Variants in TRIM28 observed in about 807,000 individuals in gnomAD.
TRIM28 encodes the protein transcription intermediary factor 1-beta.
TRIM28 carries 8 observed loss-of-function variants against 87.4 expected under a neutral mutation model. That is an observed-to-expected ratio of 0.09 (90% confidence interval 0.05 to 0.17). TRIM28 has a LOEUF of 0.17. TRIM28 is among the 10% of genes least tolerant of loss of function. The probability of loss-of-function intolerance (pLI) is 1.00; values close to 1 mark genes in which losing one functional copy is unlikely to be tolerated. For synonymous variants in TRIM28, 601 were observed against 454.3 expected, an observed-to-expected ratio of 1.32 and a Z score of -4.11; for missense variants, 968 against 1,131.8, an observed-to-expected ratio of 0.86 and a Z score of 2.08.
Position 58,547,875 on chromosome 19 carries a change from A to T in TRIM28, c.923A>T (p.Lys308Met). 6.2e-7 allele frequency: 1 copy of T among 1,614,200 alleles called. No homozygotes were observed. Among genetic ancestry groups the T allele is most frequent in the Non-Finnish European group, 8.5e-7 (1 of 1,180,036 alleles). The change falls in exon 6 of 17, where the codon AAG becomes ATG. Residue 308 changes from lysine to methionine, a missense_variant. Transcript: ENST00000253024. ...AILQIMKELN[K>M]RGRVLVNDAQ... ...CTGCAGATCATGAAGGAGCTGAATA[A>T]GCGGGGCCGTGTGCTGGTCAATGAT...
At position 58,548,883 on chromosome 19, in the gene TRIM28, C is replaced by T. The variant is rs1385904951; in HGVS notation, c.1382C>T (p.Ala461Val). The change falls in exon 11 of 17, where the codon GCA (alanine) becomes GTA (valine). Residue 461 changes from alanine to valine, a missense_variant. Transcript: ENST00000253024. ...FGSGDDPYSS[A>V]EPHVSGVKRS... The stretch of plus-strand genomic sequence containing the variant: ...TAAGGAGATGATCCCTACTCAAGTG[C>T]AGAGCCCCATGTGTCAGGTGTGAAA... 1.2e-6 allele frequency: 2 copies of T among 1,614,086 alleles called. No homozygotes were observed. Among genetic ancestry groups the T allele is most frequent in the South Asian group, 2.2e-5 (2 of 91,086 alleles).
Position 58,544,964 on chromosome 19 carries a change from A to G in TRIM28, c.207A>G (p.Arg69=), listed in dbSNP as rs879627669. The G allele has an allele frequency of 1.3e-6, 2 of 1,511,386 alleles. No individual in the cohort carries two copies. The highest frequency in any genetic ancestry group is 2.4e-5 in the South Asian group (2 of 81,642). 93.6% of individuals were successfully genotyped at this position (1,511,386 alleles called of 1,614,324 possible). ...TGCTGGAGCACTGCGGCGTGTGCAG[A>G]GAGCGCCTGCGACCCGAGAGGGAGC... is the stretch of plus-strand genomic sequence containing the variant. ...LELLEHCGVC[R]ERLRPEREPR... Residue 69 remains arginine, a synonymous_variant, in exon 1 of 17, where the codon AGA becomes AGG. Transcript: ENST00000253024.
Position 58,544,988 on chromosome 19 carries a change from G to A in TRIM28, c.231G>A (p.Glu77=). ...GAGAGCGCCTGCGACCCGAGAGGGA[G>A]CCCCGCCTGCTGCCCTGTTTGCACT... ...VCRERLRPER[E]PRLLPCLHSA... is the part of the protein sequence containing the mutation. The change falls in exon 1 of 17, where the codon GAG becomes GAA. Residue 77 remains glutamate, a synonymous_variant. Coordinates refer to ENST00000253024, the MANE Select transcript of TRIM28 (RefSeq NM_005762.3). The A allele has an allele frequency of 1.3e-6, 2 of 1,515,896 alleles. No individual in the cohort carries two copies. The highest frequency in any genetic ancestry group is 4.3e-5 in the Admixed American group (2 of 46,506). The allele number at this position is 1,515,896 out of a possible 1,614,324, so 93.9% of individuals were successfully genotyped here.
rs1007195399 is a variant in TRIM28 at position 58,545,096 on chromosome 19, C to T, written c.339C>T (p.Thr113=). The T allele has an allele frequency of 2.0e-5, 29 of 1,419,760 alleles. No individual in the cohort carries two copies. Among genetic ancestry groups the T allele is most frequent in the African/African-American group, 3.0e-5 (2 of 66,810 alleles). The allele number at this position is 1,419,760 out of a possible 1,614,324, so 87.9% of individuals were successfully genotyped here. The change falls in exon 1 of 17, where the codon ACC becomes ACT. Residue 113 remains threonine (T), a splice_region_variant and synonymous_variant. Coordinates refer to ENST00000253024, the MANE Select transcript of TRIM28 (RefSeq NM_005762.3). ...ACGGCGGGGCGGCGGGCGACGGCACCGGTAAGTACGAAGTGATCGGTGCCA... is the reference window on the plus strand; with the variant it reads ...ACGGCGGGGCGGCGGGCGACGGCACTGGTAAGTACGAAGTGATCGGTGCCA... ...SGDGGAAGDG[T]VVDCPVCKQQ...
In TRIM28 at chr19:58,550,436, C is replaced by T. The variant is rs375142648; in HGVS notation, c.2391C>T (p.Asn797=). The T allele has an allele frequency of 1.2e-5, 20 of 1,613,476 alleles. No homozygotes were observed. The highest frequency in any genetic ancestry group is 5.3e-5 in the African/African-American group (4 of 74,912). ...AGCGCTTCTTCGAGACGCGCATGAA[C>T]GAGGCCTTCGGTGACACCAAGTTCT... ...GLQRFFETRM[N]EAFGDTKFSA... Residue 797 remains asparagine, a synonymous_variant, in exon 17 of 17, where the codon AAC becomes AAT. Transcript: ENST00000253024.
Position 58,548,743 on chromosome 19 carries a change from A to G in TRIM28, c.1327A>G (p.Met443Val), listed in dbSNP as rs1019777394. 1.9e-6 allele frequency: 3 copies of G among 1,613,810 alleles called. No homozygotes were observed. The highest frequency in any genetic ancestry group is 2.7e-5 in the African/African-American group (2 of 74,886). Residue 443 changes from methionine (M) to valine (V), a missense_variant, in exon 10 of 17, where the codon ATG becomes GTG. This residue lies in a region of TRIM28 where 119 missense variants were observed against 93.6 expected (regional missense o/e 1.27). Coordinates refer to ENST00000253024, the MANE Select transcript of TRIM28 (RefSeq NM_005762.3). ...SKQGSGSSQPMEVQEGYGFGS... is the reference protein window; with the variant it reads ...SKQGSGSSQPVEVQEGYGFGS... ...GAGGGTTCTGCTTTGTTCACAGCCC[A>G]TGGAGGTGCAGGAAGGCTATGGCTT...
Position 58,544,915 on chromosome 19 carries a change from G to A in TRIM28, c.158G>A (p.Gly53Glu), listed in dbSNP as rs749505422. 7.2e-7 allele frequency: 1 copy of A among 1,393,920 alleles called. No individual in the cohort carries two copies. The highest frequency in any genetic ancestry group is 1.5e-5 in the South Asian group (1 of 64,886). The allele number at this position is 1,393,920 out of a possible 1,614,324, so 86.3% of individuals were successfully genotyped here. The change falls in exon 1 of 17, where the codon GGG becomes GAG. Residue 53 changes from glycine (G) to glutamate (E), a missense_variant. This residue lies in a region of TRIM28 where 208 missense variants were observed against 170.9 expected (regional missense o/e 1.22). Coordinates refer to ENST00000253024, the MANE Select transcript of TRIM28 (RefSeq NM_005762.3). ...TCAGCCGCGGCGTCGTCGCCCGCGG[G>A]GGGCGGCGCCGAGGCGCTGGAGCTG... Reference protein sequence around the residue: ...SASAAASSPAGGGAEALELLE... With the variant: ...SASAAASSPAEGGAEALELLE...
At chr19:58,546,945 G>C (rs148754232) in intron 3 of TRIM28, among the ~76,000 whole-genome samples, 1 of 152,006 alleles carries the variant, frequency 6.6e-6, no homozygotes, top group East Asian at 1.9e-4. Context: ...CTCTTGTCAG[G>C]GAAGAGGGAG....
chr19:58,548,930 T>C lies in TRIM28; in HGVS notation c.1409+20T>C, dbSNP rs777025814. 1.2e-5 allele frequency: 19 copies of C among 1,613,966 alleles called. No individual in the cohort carries two copies. Among genetic ancestry groups the C allele is most frequent in the Middle Eastern group, 1.6e-4 (1 of 6,062 alleles). Reference sequence around the variant, plus strand: ...GAAACGGTAAGTATGGCACCTCCCCTGGGGGTGAGGTGGATGGAGGGTGGG... The same window carrying C: ...GAAACGGTAAGTATGGCACCTCCCCCGGGGGTGAGGTGGATGGAGGGTGGG... On this transcript the variant is annotated intron_variant, in intron 11 of 16. Transcript: ENST00000253024.
At chr19:58,547,087 G>A (rs2053767616) in intron 3 of TRIM28, 1 of 321,998 alleles carries the variant, frequency 3.1e-6, no homozygotes. Context: ...GGGGGGTGGG[G>A]TGGGGTGGTC....
Position 58,547,600 on chromosome 19 carries a change from C to T in TRIM28, c.726C>T (p.Tyr242=), listed in dbSNP as rs1420733097. The change falls in exon 5 of 17, where the codon TAC becomes TAT. Residue 242 remains tyrosine (Y), a synonymous_variant. Transcript: ENST00000253024. ...GAACACATCTGTCTGCTCTCAGGTA[C>T]CAGTTCTTAGAGGATGCAGTGAGGA... The part of the protein sequence containing the change: ...CQLNAHKDHQ[Y]QFLEDAVRNQ... 1.9e-6 allele frequency: 3 copies of T among 1,613,956 alleles called. No individual in the cohort carries two copies. The South Asian group carries it at 3.3e-5, about 18-fold the overall frequency.
rs759386732 is a variant in TRIM28 at position 58,549,933 on chromosome 19, C to G, written c.2107-16C>G. ...GGTGCTGCCCAGAGCTGTGACATCC[C>G]TTACAATGTTTGTAGAAATGTGAGC... On this transcript the variant is annotated splice_polypyrimidine_tract_variant and intron_variant, in intron 14 of 16. Coordinates refer to ENST00000253024, the MANE Select transcript of TRIM28 (RefSeq NM_005762.3). This position sits in a 1 kb window ranked among gnomAD's most constrained non-coding sequence, Gnocchi z 4.4. 3.7e-6 allele frequency: 6 copies of G among 1,613,948 alleles called. No individual in the cohort carries two copies. Among genetic ancestry groups the G allele is most frequent in the South Asian group, 3.3e-5 (3 of 91,074 alleles).
In TRIM28 at chr19:58,545,352, C is replaced by T. The variant is rs2053751818; in HGVS notation, c.341-73C>T. 6 of 1,267,806 alleles carry T rather than the reference C, an allele frequency of 4.7e-6. No homozygotes were observed. In the South Asian group the frequency reaches 5.2e-5, roughly 11 times the overall value. 78.5% of individuals were successfully genotyped at this position (1,267,806 alleles called of 1,614,324 possible). A position where few individuals can be genotyped will look rare whatever the true frequency, so the allele number is the denominator to read the frequency against. On this transcript the variant is annotated intron_variant, in intron 1 of 16. Transcript: ENST00000253024. ...GCGGGATAATGGTCGGGGGCCCACC[C>T]AGCAGGGGAATGGTGGGGGCCATAA...
chr19:58,548,187 ACTGGTGGGCTCCTGG>A lies in TRIM28; in HGVS notation c.1101+16_1101+30del. ...TTTGCTTTCTAAGAAGTTGGTGTGT[ACTGGTGGGCTCCTGG>A]CTGGTGGGTTCCAGGCAGGTGGTTC... On this transcript the variant is annotated splice_region_variant and intron_variant, in intron 7 of 16. Transcript: ENST00000253024. 2.5e-6 allele frequency: 4 copies of A among 1,613,906 alleles called. No individual in the cohort carries two copies. Among genetic ancestry groups the A allele is most frequent in the South Asian group, 1.1e-5 (1 of 91,078 alleles).
At chr19:58,545,196 G>C in intron 1 of TRIM28, 99 bp downstream of exon 1, 2 of 1,141,450 alleles carry the variant, frequency 1.8e-6, no homozygotes, top group Non-Finnish European at 2.4e-6. Context: ...AGAGGATGGG[G>C]GCCCGGACAG....
Position 58,550,161 on chromosome 19 carries a change from C to T in TRIM28, c.2208C>T (p.Gly736=), listed in dbSNP as rs779842320. The T allele has an allele frequency of 3.7e-6, 6 of 1,613,944 alleles. No homozygotes were observed. The highest frequency in any genetic ancestry group is 5.1e-6 in the Non-Finnish European group (6 of 1,179,970). ...TCTGCCTGCAGGACCAGCCCGGTGGCACCCTGGATCTGACCCTGATCCGTG... is the reference window on the plus strand; with the variant it reads ...TCTGCCTGCAGGACCAGCCCGGTGGTACCCTGGATCTGACCCTGATCCGTG... The part of the protein sequence containing the change: ...DSTFSLDQPG[G]TLDLTLIRAR... Residue 736 remains glycine, a synonymous_variant, in exon 16 of 17, where the codon GGC becomes GGT. Coordinates refer to ENST00000253024, the MANE Select transcript of TRIM28 (RefSeq NM_005762.3).
In TRIM28 at chr19:58,544,699, G is replaced by T; in HGVS notation, c.-59G>T. 1.3e-6 allele frequency: 1 copy of T among 787,064 alleles called. No individual in the cohort carries two copies. Among genetic ancestry groups the T allele is most frequent in the Non-Finnish European group, 1.5e-6 (1 of 647,620 alleles). 48.8% of individuals were successfully genotyped at this position (787,064 alleles called of 1,614,324 possible). On this transcript the variant is annotated 5_prime_UTR_variant, in exon 1 of 17. Coordinates refer to ENST00000253024, the MANE Select transcript of TRIM28 (RefSeq NM_005762.3). Reference sequence around the variant, plus strand: ...AGCAGTTGGCGGCGAGCGCGTCTGCGCCTGCGCGGCGGGCCCCGCGCCCCT... The same window carrying T: ...AGCAGTTGGCGGCGAGCGCGTCTGCTCCTGCGCGGCGGGCCCCGCGCCCCT...
rs2053753055 is a variant in TRIM28, at chr19:58,545,462, C to T, written c.378C>T (p.Ser126=). 4 of 1,593,932 alleles carry T rather than the reference C, an allele frequency of 2.5e-6. No individual in the cohort carries two copies. Among genetic ancestry groups the T allele is most frequent in the Non-Finnish European group, 3.4e-6 (4 of 1,168,800 alleles). Residue 126 remains serine, a synonymous_variant, in exon 2 of 17, where the codon TCC becomes TCT. Coordinates refer to ENST00000253024, the MANE Select transcript of TRIM28 (RefSeq NM_005762.3). ...DCPVCKQQCF[S]KDIVENYFMR... is the part of the protein sequence containing the mutation. The stretch of plus-strand genomic sequence containing the variant: ...CCGTGTGCAAGCAACAGTGCTTCTC[C>T]AAAGACATCGTGGAGAATTATTTCA...
chr19:58,547,532 G>A, intron 4 of TRIM28, 21 bp downstream of exon 4: 1 of 1,613,194 alleles, frequency 6.2e-7, no homozygotes, highest in Non-Finnish European at 8.5e-7. Flanking sequence ...AGGCATAGTG[G>A]TTGGGTGGGT....
Sources: allele counts gnomAD v4.1 joint callset (sites outside exome capture counted in the v4.1 genomes callset), GRCh38; gene constraint gnomAD v4.1.1; regional missense constraint gnomAD v4.1.1; non-coding constraint Gnocchi (gnomAD v3.1); transcripts MANE v1.5; gene names NCBI Gene and HGNC (gene_info 2026-07-23, HGNC 2026-07-21).